The following ZNF841 variants were observed in gnomAD, a reference collection of about 807,000 sequenced individuals.
ZNF841 encodes the protein zinc finger protein 841.
In ZNF841, 11 loss-of-function variants were observed where a neutral mutation model predicts 13.0. That is an observed-to-expected ratio of 0.85 (90% CI 0.53 to 1.40). The LOEUF (loss-of-function observed/expected upper bound fraction) is 1.40, where lower values mean the gene tolerates loss of function less well. Ranked by LOEUF, ZNF841 falls within the 40% of genes most tolerant of loss-of-function variation. The probability of loss-of-function intolerance (pLI) is 0.00; values close to 1 mark genes in which losing one functional copy is unlikely to be tolerated. For missense variants in ZNF841, 1,068 were observed against 1,139.5 expected, an observed-to-expected ratio of 0.94 and a Z score of 0.90; for synonymous variants, 369 against 381.6, an observed-to-expected ratio of 0.97 and a Z score of 0.38.
downstream of ZNF841, chr19:52,063,761 A>G (rs1278963019): frequency 6.6e-6 from 1 of 152,204 alleles, no homozygotes; most frequent in African/African-American, 2.4e-5. Flanking sequence ...TAGCACACAC[A>G]TTACATTTGT....
At chr19:52,085,242 C>T (rs1267850760) in intron 3 of ZNF841, among the ~76,000 whole-genome samples, 1 of 152,222 alleles carries the variant, frequency 6.6e-6, no homozygotes, top group Non-Finnish European at 1.5e-5. Context: ...AGGCTGGACG[C>T]TCAATGCTGG....
chr19:52,090,687 G>GAAAGA (rs1555782741), intron 2 of ZNF841, among the ~76,000 whole-genome samples: 1 of 148,350 alleles, frequency 6.7e-6, no homozygotes, highest in African/African-American at 2.5e-5. Context: ...AAGAAAGAAA[G>GAAAGA]AAAGAAAGAA....
chr19:52,079,556 A>T (rs927906891), intron 4 of ZNF841, among the ~76,000 whole-genome samples: 10 of 152,040 alleles, frequency 6.6e-5, no homozygotes, highest in Non-Finnish European at 1.3e-4. Context: ...TTTCCTCTAA[A>T]TTAAGAGAAA....
chr19:52,071,278 A>C (rs1330664214), intron 6 of ZNF841, among the ~76,000 whole-genome samples: 1 of 152,202 alleles, frequency 6.6e-6, no homozygotes, highest in Non-Finnish European at 1.5e-5. Context: ...ATGCTCAACA[A>C]CCCTACATAT....
At chr19:52,095,311 G>C (rs1214158988) in intron 1 of ZNF841, among the ~76,000 whole-genome samples, 1 of 152,192 alleles carries the variant, frequency 6.6e-6, no homozygotes, top group African/African-American at 2.4e-5. Flanking sequence ...ATCCCAGGAC[G>C]TGGGAGGAGA....
chr19:52,066,240 T>G lies in ZNF841; in HGVS notation c.1642A>C (p.Lys548Gln). 6.2e-7 allele frequency: 1 copy of G among 1,614,136 alleles called. No homozygotes were observed. Among genetic ancestry groups the G allele is most frequent in the Non-Finnish European group, 8.5e-7 (1 of 1,179,986 alleles). ...EKPYKCNVCG[K>Q]VFNYGGYLSV... is the part of the protein sequence containing the mutation. ...AGGTATCCACCGTAATTAAAGACCT[T>G]GCCACACACATTACATTTGTAAGGT... Residue 548 changes from lysine to glutamine, a missense_variant, in exon 7 of 7, where the codon AAG becomes CAG. Coordinates refer to ENST00000594440, the MANE Select transcript of ZNF841 (RefSeq NM_001136499.2).
rs528335227 is a variant in ZNF841 at position 52,074,705 on chromosome 19, C to T, written c.271+1339G>A. Among the ~76,000 whole-genome samples, 636 of 152,140 alleles carry T rather than the reference C, an allele frequency of 4.2e-3. 5 individuals carry two copies. The highest frequency in any genetic ancestry group is 6.4e-3 in the Non-Finnish European group (435 of 67,990). On this transcript the variant is annotated intron_variant, in intron 6 of 6. Coordinates refer to ENST00000594440, the MANE Select transcript of ZNF841 (RefSeq NM_001136499.2). ...CTAACTTTTGTATTTTTAGTAGAGA[C>T]GGGGTTTCACCAAGTTGGCCAGGCT...
chr19:52,095,020 T>C (rs947137299), intron 1 of ZNF841, among the ~76,000 whole-genome samples: 3 of 152,168 alleles, frequency 2.0e-5, no homozygotes, highest in Non-Finnish European at 4.4e-5. Flanking sequence ...TGCTCCGTCG[T>C]TCCCCGTCTT....
downstream of ZNF841, among the ~76,000 whole-genome samples, chr19:52,060,153 C>T (rs539587121): frequency 6.6e-6 from 1 of 152,264 alleles, no homozygotes; most frequent in South Asian, 2.1e-4. Flanking sequence ...TCTTTCATTG[C>T]TTTGCTGGGT....
intron 2 of ZNF841, among the ~76,000 whole-genome samples, chr19:52,090,099 G>A (rs2088420427): frequency 6.6e-6 from 1 of 152,216 alleles, no homozygotes; most frequent in Admixed American, 6.5e-5. Flanking sequence ...GGATGTCTCA[G>A]AAGAGGGGCC....
chr19:52,082,242 G>C (rs2123325348), intron 4 of ZNF841, among the ~76,000 whole-genome samples: 1 of 152,202 alleles, frequency 6.6e-6, no homozygotes, highest in East Asian at 1.9e-4. Context: ...AAAAATTCAT[G>C]GCCATTCAAA....
Position 52,064,845 on chromosome 19 carries a change from G to C in ZNF841, c.*262C>G. The C allele has an allele frequency of 3.9e-6, 1 of 256,296 alleles. No homozygotes were observed. The allele number at this position is 256,296 out of a possible 1,614,324, so 15.9% of individuals were successfully genotyped here. A position where few individuals can be genotyped will look rare whatever the true frequency, so the allele number is the denominator to read the frequency against. ...AACAGGGTTTCACCATGTTGGCCAG[G>C]CTGCTCTTGAACTCCTGACCTCAAG... is the stretch of plus-strand genomic sequence containing the variant. On this transcript the variant is annotated 3_prime_UTR_variant, in exon 7 of 7. Coordinates refer to ENST00000594440, the MANE Select transcript of ZNF841 (RefSeq NM_001136499.2).
At chr19:52,086,743 A>G (rs2088289641) in intron 3 of ZNF841, among the ~76,000 whole-genome samples, 1 of 152,234 alleles carries the variant, frequency 6.6e-6, no homozygotes, top group African/African-American at 2.4e-5. Context: ...TGAAATGGTC[A>G]GGGAGGTGAC....
chr19:52,092,673 T>C (rs1158851120), intron 2 of ZNF841, among the ~76,000 whole-genome samples: 1 of 152,132 alleles, frequency 6.6e-6, no homozygotes, highest in Non-Finnish European at 1.5e-5. Flanking sequence ...GAAACCAGTA[T>C]CTTTAAGAGA....
chr19:52,065,193 T>C lies in ZNF841; in HGVS notation c.2689A>G (p.Ile897Val). Residue 897 changes from isoleucine to valine, a missense_variant, in exon 7 of 7, where the codon ATA (isoleucine) becomes GTA (valine). Transcript: ENST00000594440. ...GTAAGGTTCTCTCCAGCATGTTTTATCTGATGTTTAGTGAGGCCTGAGCGA... is the reference window on the plus strand; with the variant it reads ...GTAAGGTTCTCTCCAGCATGTTTTACCTGATGTTTAGTGAGGCCTGAGCGA... ...ISRSGLTKHQ[I>V]KHAGENLTTK... 1.9e-6 allele frequency: 3 copies of C among 1,606,546 alleles called. No individual in the cohort carries two copies. Among genetic ancestry groups the C allele is most frequent in the Admixed American group, 3.4e-5 (2 of 59,242 alleles).
rs1229916641 is a variant in ZNF841 at position 52,085,591 on chromosome 19, T to A, written c.-77-713A>T. On this transcript the variant is annotated intron_variant, in intron 3 of 6. Transcript: ENST00000594440. ...GTGAGAGGAGGGTGAGGCACAGAAG[T>A]CCCAATGGAGAAGGTGATATCAGAA... is the stretch of plus-strand genomic sequence containing the variant. Among the ~76,000 whole-genome samples, 5 of 152,034 alleles carry A rather than the reference T, an allele frequency of 3.3e-5. No homozygotes were observed. The South Asian group carries it at 1.0e-3, about 32-fold the overall frequency.
At position 52,066,199 on chromosome 19, in the gene ZNF841, T is replaced by C; in HGVS notation, c.1683A>G (p.Arg561=). The change falls in exon 7 of 7, where the codon AGA becomes AGG. Residue 561 remains arginine, a synonymous_variant. Coordinates refer to ENST00000594440, the MANE Select transcript of ZNF841 (RefSeq NM_001136499.2). ...GGAGAGGTTTCTCTCCAGTATGACA[T>C]CTCATATGAACCGAAAGGTATCCAC... The part of the protein sequence containing the change: ...NYGGYLSVHM[R]CHTGEKPLHC... 1 of 1,613,942 alleles carries C rather than the reference T, an allele frequency of 6.2e-7. No individual in the cohort carries two copies.
rs768577594 is a variant in ZNF841 at position 52,084,840 on chromosome 19, CT to C, written c.-40del. 6.3e-7 allele frequency: 1 copy of C among 1,595,444 alleles called. No individual in the cohort carries two copies. Among genetic ancestry groups the C allele is most frequent in the South Asian group, 1.1e-5 (1 of 88,666 alleles). ...TCTTTCTTCTTTCTCTCCTGGGCCT[CT>C]CTCTCAGTCAATATAATTAATTCTT... On this transcript the variant is annotated 5_prime_UTR_variant, in exon 4 of 7. Transcript: ENST00000594440.
chr19:52,067,359 C>T lies in ZNF841; in HGVS notation c.523G>A (p.Val175Ile), dbSNP rs778822347. The stretch of plus-strand genomic sequence containing the variant: ...TGATTTTCCATATGCTTGTTTTCTA[C>T]GTCCCCTTGACTATGTCGAACTCTT... ...GQRVRHSQGD[V>I]ENKHMENQLI... The change falls in exon 7 of 7, where the codon GTA becomes ATA. Residue 175 changes from valine (V) to isoleucine (I), a missense_variant. Coordinates refer to ENST00000594440, the MANE Select transcript of ZNF841 (RefSeq NM_001136499.2). 202 of 1,550,184 alleles carry T rather than the reference C, an allele frequency of 1.3e-4. No individual in the cohort carries two copies. Among genetic ancestry groups the T allele is most frequent in the East Asian group, 1.7e-4 (7 of 40,916 alleles).
Sources: allele counts gnomAD v4.1 joint callset (sites outside exome capture counted in the v4.1 genomes callset), GRCh38; gene constraint gnomAD v4.1.1; transcripts MANE v1.5; gene names NCBI Gene and HGNC (gene_info 2026-07-23, HGNC 2026-07-21).